The following ARMH3 variants were observed in gnomAD, a reference collection of about 807,000 sequenced individuals.
ARMH3 encodes the protein armadillo like helical domain containing 3.
A neutral mutation model predicts 99.1 loss-of-function variants in ARMH3; 60 were observed. That is an observed-to-expected ratio of 0.61 (90% CI 0.49 to 0.75). The LOEUF (loss-of-function observed/expected upper bound fraction) is 0.75, where lower values mean the gene tolerates loss of function less well. Among genes scored for constraint, ARMH3 ranks in the 30% least tolerant of loss-of-function variants. The pLI is 0.00. For synonymous variants in ARMH3, 285 were observed against 292.8 expected (o/e 0.97, Z 0.27); for missense variants, 679 against 843.1 (o/e 0.81, Z 2.41).
intron 23 of ARMH3, among the ~76,000 whole-genome samples, chr10:101,902,567 G>A (rs1336890856): frequency 6.6e-6 from 1 of 152,050 alleles, no homozygotes; most frequent in South Asian, 2.1e-4. Context: ...GCACTCATAC[G>A]TGCGCACTTC....
chr10:101,932,522 T>C (rs145216832), intron 23 of ARMH3, among the ~76,000 whole-genome samples: 109 of 152,324 alleles, frequency 7.2e-4, no homozygotes, highest in Middle Eastern at 3.4e-3. Context: ...CAAGTGTCCG[T>C]TGACACGAAA....
rs377413780 is a variant in ARMH3 at position 101,902,419 on chromosome 10, T to C, written c.1782-12929A>G. Among the ~76,000 whole-genome samples the C allele has an allele frequency of 4.6e-5, 7 of 152,188 alleles. No homozygotes were observed. In the East Asian group the frequency reaches 1.4e-3, roughly 30 times the overall value. On this transcript the variant is annotated intron_variant, in intron 23 of 25. Transcript: ENST00000370033. ...CAGAAACCGATACATCTCTAACTTATTATGGAGAAGAAATCCTAAAGACAT... is the reference window on the plus strand; with the variant it reads ...CAGAAACCGATACATCTCTAACTTACTATGGAGAAGAAATCCTAAAGACAT...
chr10:101,990,514 A>AATTTTTT, intron 19 of ARMH3, 37 bp downstream of exon 19: 1 of 1,451,366 alleles, frequency 6.9e-7, no homozygotes, highest in Non-Finnish European at 9.6e-7. Flanking sequence ...TTTAAAATAG[A>AATTTTTT]TTTGTACACA....
Position 102,039,998 on chromosome 10 carries a change from G to C in ARMH3, c.102+15C>G. 1 of 1,605,558 alleles carries C rather than the reference G, an allele frequency of 6.2e-7. No homozygotes were observed. Among genetic ancestry groups the C allele is most frequent in the Non-Finnish European group, 8.5e-7 (1 of 1,172,272 alleles). On this transcript the variant is annotated intron_variant, in intron 2 of 25. Transcript: ENST00000370033. The stretch of plus-strand genomic sequence containing the variant: ...TAAAGACTCAAGCTGTACACAACAA[G>C]GCCGCAGGCCTTACCATGAAGATCT...
chr10:101,894,917 C>T (rs2067785939), intron 23 of ARMH3, among the ~76,000 whole-genome samples: 1 of 149,974 alleles, frequency 6.7e-6, no homozygotes, highest in African/African-American at 2.5e-5. Context: ...TGCTATCTGT[C>T]ACATGACGAC....
intron 25 of ARMH3, 40 bp from the exon 26 acceptor site, chr10:101,847,660 A>G: frequency 6.3e-7 from 1 of 1,580,830 alleles, no homozygotes; most frequent in South Asian, 1.1e-5. Context: ...GGGCGCAGCC[A>G]GAGAGAAAAC....
intron 19 of ARMH3, among the ~76,000 whole-genome samples, chr10:101,980,457 C>A (rs369359138): frequency 3.3e-5 from 5 of 152,088 alleles, no homozygotes; most frequent in African/African-American, 1.2e-4. Flanking sequence ...TGCCACCATG[C>A]CTGGCTGATT....
At chr10:102,035,389 C>G (rs890601230) in intron 2 of ARMH3, among the ~76,000 whole-genome samples, 1 of 152,110 alleles carries the variant, frequency 6.6e-6, no homozygotes, top group African/African-American at 2.4e-5. Flanking sequence ...GCTCTCCCTT[C>G]TCCCTTCTCC....
At chr10:101,998,664 T>G (rs186140643) in intron 15 of ARMH3, among the ~76,000 whole-genome samples, 1 of 152,226 alleles carries the variant, frequency 6.6e-6, no homozygotes, top group African/African-American at 2.4e-5. Context: ...TGTCTACCAA[T>G]GTTTCTTTCT....
Position 101,973,135 on chromosome 10 carries a change from C to T in ARMH3, c.1495+2077G>A, listed in dbSNP as rs543631113. ...TAGCACTTTGGGAGGCCGAGGTGGGCGGATCACAAGGTCAGGAGTTCGAGA... is the reference window on the plus strand; with the variant it reads ...TAGCACTTTGGGAGGCCGAGGTGGGTGGATCACAAGGTCAGGAGTTCGAGA... On this transcript the variant is annotated intron_variant, in intron 20 of 25. Transcript: ENST00000370033. Among the ~76,000 whole-genome samples, 177 of 151,998 alleles carry T rather than the reference C, an allele frequency of 1.2e-3. 1 individual carries two copies. Among genetic ancestry groups the T allele is most frequent in the African/African-American group, 4.0e-3 (164 of 41,460 alleles).
intron 1 of ARMH3, among the ~76,000 whole-genome samples, chr10:102,041,324 CCT>C (rs2067420784): frequency 6.6e-6 from 1 of 151,654 alleles, no homozygotes; most frequent in Non-Finnish European, 1.5e-5. Flanking sequence ...TAACAAATTT[CCT>C]CTCTTTCCTT....
intron 1 of ARMH3, among the ~76,000 whole-genome samples, chr10:102,043,134 T>C (rs1288636463): frequency 6.6e-6 from 1 of 152,124 alleles, no homozygotes; most frequent in East Asian, 1.9e-4. Flanking sequence ...GTAATGTGAG[T>C]GTAATCTGTA....
chr10:101,896,681 C>T (rs1013962069), intron 23 of ARMH3, among the ~76,000 whole-genome samples: 2 of 152,318 alleles, frequency 1.3e-5, no homozygotes, highest in Non-Finnish European at 2.9e-5. Flanking sequence ...GTGATTCACT[C>T]ACCAAGAAAA....
intron 23 of ARMH3, among the ~76,000 whole-genome samples, chr10:101,906,175 CTTTTG>C (rs1452947908): frequency 2.0e-5 from 3 of 152,072 alleles, no homozygotes; most frequent in African/African-American, 4.8e-5. Flanking sequence ...AACTGGTTTC[CTTTTG>C]TTTTTTCTTT....
intron 22 of ARMH3, among the ~76,000 whole-genome samples, chr10:101,954,718 GT>G (rs35809927): frequency 6.6e-6 from 1 of 152,020 alleles, no homozygotes; most frequent in African/African-American, 2.4e-5. Context: ...TAAAAAACAA[GT>G]TTTTTTCAGC....
chr10:101,997,843 T>G (rs2136042515), intron 15 of ARMH3, among the ~76,000 whole-genome samples: 1 of 152,258 alleles, frequency 6.6e-6, no homozygotes, highest in Admixed American at 6.5e-5. Flanking sequence ...AGGAAAAAGA[T>G]AATATCCTCA....
chr10:101,942,242 GA>G, intron 22 of ARMH3, among the ~76,000 whole-genome samples: 1 of 151,972 alleles, frequency 6.6e-6, no homozygotes, highest in East Asian at 1.9e-4. Context: ...AAAGAGACAT[GA>G]AAATTACAAA....
At chr10:102,040,373 G>A (rs1427590147) in intron 1 of ARMH3, among the ~76,000 whole-genome samples, 1 of 152,110 alleles carries the variant, frequency 6.6e-6, no homozygotes, top group Non-Finnish European at 1.5e-5. Flanking sequence ...GCAGACGTAT[G>A]GGCTATCTCT....
At chr10:101,921,993 G>C (rs1479658241) in intron 23 of ARMH3, among the ~76,000 whole-genome samples, 1 of 152,168 alleles carries the variant, frequency 6.6e-6, no homozygotes, top group Non-Finnish European at 1.5e-5. Flanking sequence ...GACTTGAACT[G>C]TTCCCAACAC....
Sources: allele counts gnomAD v4.1 joint callset (sites outside exome capture counted in the v4.1 genomes callset), GRCh38; gene constraint gnomAD v4.1.1; transcripts MANE v1.5; gene names NCBI Gene and HGNC (gene_info 2026-07-23, HGNC 2026-07-21).